Variants in UBE3B observed in about 807,000 individuals in gnomAD.
UBE3B encodes the protein ubiquitin-protein ligase E3B.
In UBE3B, 80 loss-of-function variants were observed where a neutral mutation model predicts 132.3. The observed-to-expected ratio is 0.60, with a 90% CI of 0.50 to 0.73. The LOEUF is 0.73. UBE3B is among the 30% of genes least tolerant of loss of function. UBE3B has a pLI of 0.00. For synonymous variants in UBE3B, 487 were observed against 520.4 expected (o/e 0.94, Z 0.87); for missense variants, 1,196 against 1,362.5 (o/e 0.88, Z 1.92).
chr12:109,502,827 C>G (rs1017824864), intron 13 of UBE3B, among the ~76,000 whole-genome samples, 196 bp from the exon 14 acceptor site: 1 of 152,200 alleles, frequency 6.6e-6, no homozygotes, highest in African/African-American at 2.4e-5. Flanking sequence ...CTGAAGAGAT[C>G]TTTGGGTTGT....
In UBE3B at chr12:109,534,575, C is replaced by T. The variant is rs755102431; in HGVS notation, c.3016-16C>T. ...CTAGGCCCTTCCCAATTCAAGGCCA[C>T]GATGTGTGCCTTCAGGACACCGGGG... is the stretch of plus-strand genomic sequence containing the variant. On this transcript the variant is annotated splice_polypyrimidine_tract_variant and intron_variant, in intron 27 of 27. Coordinates refer to ENST00000342494, the MANE Select transcript of UBE3B (RefSeq NM_130466.4). The surrounding 1 kb of genome is among the most constrained non-coding windows in gnomAD (Gnocchi z 5.2). 118 of 1,592,600 alleles carry T rather than the reference C, an allele frequency of 7.4e-5. 2 individuals carry two copies. The South Asian group carries it at 9.6e-4, about 13-fold the overall frequency.
Position 109,524,426 on chromosome 12 carries a change from CT to C in UBE3B, c.2503-11del. 6.2e-7 allele frequency: 1 copy of C among 1,614,184 alleles called. No individual in the cohort carries two copies. The highest frequency in any genetic ancestry group is 8.5e-7 in the Non-Finnish European group (1 of 1,179,984). ...CATGGCCCTAACACTTTCCCCTTCT[CT>C]GTTACATTAGCGCTATGATGGGGAC... On this transcript the variant is annotated splice_polypyrimidine_tract_variant and intron_variant, in intron 22 of 27. Coordinates refer to ENST00000342494, the MANE Select transcript of UBE3B (RefSeq NM_130466.4).
intron 4 of UBE3B, 125 bp from the exon 5 acceptor site, chr12:109,485,887 G>A (rs775498457): frequency 1.2e-5 from 12 of 997,462 alleles, no homozygotes; most frequent in Middle Eastern, 2.9e-4. Flanking sequence ...AACTGCATGT[G>A]ATTATGTGTG....
intron 24 of UBE3B, among the ~76,000 whole-genome samples, chr12:109,528,985 C>T (rs1027190574): frequency 6.6e-6 from 1 of 152,002 alleles, no homozygotes; most frequent in African/African-American, 2.4e-5. Flanking sequence ...CATGGTGAAC[C>T]CCATCTCTAC....
Position 109,507,736 on chromosome 12 carries a change from G to A in UBE3B, c.1622+1G>A, listed in dbSNP as rs934035216. On this transcript the variant is annotated splice_donor_variant, in intron 15 of 27. Coordinates refer to ENST00000342494, the MANE Select transcript of UBE3B (RefSeq NM_130466.4). LOFTEE classifies it high-confidence loss of function. ...GTGACTGTTCGCGGCACCTCATCACGTAGGTTGACTGCTGTGGGACTGAAT... is the reference window on the plus strand; with the variant it reads ...GTGACTGTTCGCGGCACCTCATCACATAGGTTGACTGCTGTGGGACTGAAT... 12 of 1,610,778 alleles carry A rather than the reference G, an allele frequency of 7.4e-6. No homozygotes were observed. Among genetic ancestry groups the A allele is most frequent in the East Asian group, 2.2e-5 (1 of 44,824 alleles).
chr12:109,529,964 G>C lies in UBE3B; in HGVS notation c.2702G>C (p.Ser901Thr). 1 of 1,614,162 alleles carries C rather than the reference G, an allele frequency of 6.2e-7. No individual in the cohort carries two copies. Among genetic ancestry groups the C allele is most frequent in the Non-Finnish European group, 8.5e-7 (1 of 1,180,032 alleles). ...AAAAACCAAACAGCTGCCCTCATTA[G>C]CGGATTCCGTTCCATTATCAAACCC... Reference protein sequence around the residue: ...QIKNQTAALISGFRSIIKPEW... With the variant: ...QIKNQTAALITGFRSIIKPEW... Residue 901 changes from serine to threonine, a missense_variant, in exon 25 of 28, where the codon AGC becomes ACC. Physicochemically the swap from Ser to Thr is moderately conservative, Grantham distance 58. Transcript: ENST00000342494.
At position 109,534,626 on chromosome 12, in the gene UBE3B, C is replaced by T; in HGVS notation, c.3051C>T (p.Gly1017=). 1.9e-6 allele frequency: 3 copies of T among 1,611,774 alleles called. No homozygotes were observed. The highest frequency in any genetic ancestry group is 1.3e-5 in the African/African-American group (1 of 74,918). The part of the protein sequence containing the change: ...TGDTLGSVLR[G]FFTIRKREPG... ...ACACTCTGGGCAGCGTCCTCCGGGG[C>T]TTCTTCACCATCCGCAAGCGGGAGC... Residue 1017 remains glycine, a synonymous_variant, in exon 28 of 28, where the codon GGC becomes GGT. Coordinates refer to ENST00000342494, the MANE Select transcript of UBE3B (RefSeq NM_130466.4). The surrounding 1 kb of genome is among the most constrained non-coding windows in gnomAD (Gnocchi z 5.2).
chr12:109,514,474 G>A (rs1011699200), intron 18 of UBE3B, among the ~76,000 whole-genome samples: 1 of 152,098 alleles, frequency 6.6e-6, no homozygotes, highest in Non-Finnish European at 1.5e-5. Context: ...GGCTTTCTGT[G>A]GTCACTTCTG....
chr12:109,485,489 A>C (rs1020644501), intron 4 of UBE3B, among the ~76,000 whole-genome samples: 3 of 152,236 alleles, frequency 2.0e-5, no homozygotes, highest in African/African-American at 7.2e-5. Flanking sequence ...AGCTTGCCCA[A>C]TATCACATGG....
intron 25 of UBE3B, 85 bp from the exon 26 acceptor site, chr12:109,530,462 G>A (rs563805012): frequency 1.1e-5 from 13 of 1,144,980 alleles, no homozygotes; most frequent in African/African-American, 3.1e-5. Flanking sequence ...AGAGTGGACC[G>A]TGCCAGCTGT....
Position 109,498,226 on chromosome 12 carries a change from T to G in UBE3B, c.820-7T>G. ...TTTCTGATTTAACGGTCTGCTATTC[T>G]TTGCAGCGCCTCACTGTTTTAGAAT... On this transcript the variant is annotated splice_region_variant and splice_polypyrimidine_tract_variant and intron_variant, in intron 10 of 27. Coordinates refer to ENST00000342494, the MANE Select transcript of UBE3B (RefSeq NM_130466.4). 1.2e-6 allele frequency: 2 copies of G among 1,613,930 alleles called. No individual in the cohort carries two copies. Among genetic ancestry groups the G allele is most frequent in the Non-Finnish European group, 1.7e-6 (2 of 1,179,910 alleles).
chr12:109,496,837 T>C (rs534542159), intron 9 of UBE3B, among the ~76,000 whole-genome samples: 1 of 152,362 alleles, frequency 6.6e-6, no homozygotes, highest in East Asian at 1.9e-4. Flanking sequence ...GGGTTGTCTT[T>C]TCACTTTCTT....
chr12:109,489,812 T>C (rs1053850714), intron 7 of UBE3B, 107 bp from the exon 8 acceptor site: 3 of 1,003,464 alleles, frequency 3.0e-6, no homozygotes, highest in Admixed American at 3.5e-5. Flanking sequence ...AGCCAGGGGG[T>C]ATCTCATTTC....
rs1198985241 is a variant in UBE3B at position 109,523,631 on chromosome 12, G to A, written c.2365-347G>A. Among the ~76,000 whole-genome samples the A allele has an allele frequency of 4.6e-5, 7 of 152,216 alleles. No individual in the cohort carries two copies. The East Asian group carries it at 7.7e-4, about 17-fold the overall frequency. On this transcript the variant is annotated intron_variant, in intron 21 of 27. Coordinates refer to ENST00000342494, the MANE Select transcript of UBE3B (RefSeq NM_130466.4). Reference sequence around the variant, plus strand: ...CCATGGCTGCCCTGAGAGCTTGGGGGTGCTGGTACTGTGCACGTTCCATCC... The same window carrying A: ...CCATGGCTGCCCTGAGAGCTTGGGGATGCTGGTACTGTGCACGTTCCATCC...
At chr12:109,541,842 C>T in the UBE3B span, among the ~76,000 whole-genome samples, 2 of 152,124 alleles carry the variant, frequency 1.3e-5, no homozygotes, top group African/African-American at 4.8e-5. Flanking sequence ...TGCCTCCATC[C>T]CCATATAGTC....
chr12:109,507,923 G>A, intron 15 of UBE3B, among the ~76,000 whole-genome samples, 188 bp downstream of exon 15: 1 of 152,178 alleles, frequency 6.6e-6, no homozygotes, highest in East Asian at 1.9e-4. Flanking sequence ...TGTTAGGGTG[G>A]GGCCTGGGAG....
Position 109,534,799 on chromosome 12 carries a change from GCCTCCA to G in UBE3B, c.*18_*23del. On this transcript the variant is annotated 3_prime_UTR_variant, in exon 28 of 28. Coordinates refer to ENST00000342494, the MANE Select transcript of UBE3B (RefSeq NM_130466.4). The surrounding 1 kb of genome is among the most constrained non-coding windows in gnomAD (Gnocchi z 5.2). The stretch of plus-strand genomic sequence containing the variant: ...CTCTCCTAGCTCCTGTCCCAGCCCT[GCCTCCA>G]GGGCTCCTGGGCTGCCAGGGACCTT... 6.7e-7 allele frequency: 1 copy of G among 1,484,532 alleles called. No homozygotes were observed. Among genetic ancestry groups the G allele is most frequent in the Non-Finnish European group, 9.0e-7 (1 of 1,116,252 alleles). 92.0% of individuals were successfully genotyped at this position (1,484,532 alleles called of 1,614,324 possible). A position where few individuals can be genotyped will look rare whatever the true frequency, so the allele number is the denominator to read the frequency against.
At chr12:109,532,666 A>T (rs1010934989) in intron 26 of UBE3B, among the ~76,000 whole-genome samples, 2 of 152,216 alleles carry the variant, frequency 1.3e-5, no homozygotes, top group African/African-American at 4.8e-5. Flanking sequence ...ACGAGCTAGC[A>T]CATTTGCAGG....
intron 1 of UBE3B, among the ~76,000 whole-genome samples, chr12:109,480,366 G>A (rs1875161892): frequency 6.6e-6 from 1 of 152,012 alleles, no homozygotes; most frequent in African/African-American, 2.4e-5. Flanking sequence ...AAAGACTCAG[G>A]GCCCAGTGTG....
Sources: gnomAD v4.1 joint callset for allele counts (sites outside exome capture counted in the v4.1 genomes callset) on GRCh38, gnomAD v4.1.1 for gene constraint, Gnocchi (gnomAD v3.1) non-coding constraint, MANE v1.5 for transcripts, NCBI Gene and HGNC (gene_info 2026-07-23, HGNC 2026-07-21) for gene names.